CYFIP2: variants seen among roughly 807,000 people sequenced by gnomAD.
CYFIP2 encodes the protein cytoplasmic FMR1 interacting protein 2.
A neutral mutation model predicts 158.7 loss-of-function variants in CYFIP2; 29 were observed. That is an observed-to-expected ratio of 0.18 (90% confidence interval 0.14 to 0.25). The LOEUF (loss-of-function observed/expected upper bound fraction) is 0.25. CYFIP2 is among the 10% of genes least tolerant of loss of function. CYFIP2 has a pLI of 1.00. For synonymous variants in CYFIP2, 585 were observed against 617.6 expected, an observed-to-expected ratio of 0.95 and a Z score of 0.78; for missense variants, 852 against 1,639.5, an observed-to-expected ratio of 0.52 and a Z score of 8.29.
chr5:157,319,019 C>T (rs970006351), intron 13 of CYFIP2, among the ~76,000 whole-genome samples: 6 of 152,192 alleles, frequency 3.9e-5, no homozygotes, highest in Non-Finnish European at 7.3e-5. Flanking sequence ...CATAGATACA[C>T]GCCTCCCTTC....
intron 28 of CYFIP2, among the ~76,000 whole-genome samples, chr5:157,386,828 G>C (rs968798278): frequency 1.3e-5 from 2 of 151,912 alleles, no homozygotes; most frequent in Non-Finnish European, 2.9e-5. Flanking sequence ...GCTGAGGCAG[G>C]AGAATGGCTC....
At chr5:157,315,782 T>C (rs1482204899) in intron 13 of CYFIP2, among the ~76,000 whole-genome samples, 13 of 152,212 alleles carry the variant, frequency 8.5e-5, no homozygotes, top group Admixed American at 8.5e-4. Context: ...GCTATATCAT[T>C]GCATGCTATG....
At chr5:157,282,220 C>A (rs1330615519) in intron 1 of CYFIP2, among the ~76,000 whole-genome samples, 3 of 152,184 alleles carry the variant, frequency 2.0e-5, no homozygotes, top group Non-Finnish European at 4.4e-5. Flanking sequence ...GGGGAGGCCA[C>A]AGAAAGCTTT....
intron 16 of CYFIP2, 106 bp from the exon 17 acceptor site, chr5:157,325,376 A>G: frequency 1.6e-6 from 2 of 1,270,620 alleles, no homozygotes; most frequent in Non-Finnish European, 2.1e-6. Context: ...AGTACCTGCT[A>G]CATACCTAAC....
At chr5:157,301,099 A>G (rs1369522346) in intron 6 of CYFIP2, among the ~76,000 whole-genome samples, 1 of 152,152 alleles carries the variant, frequency 6.6e-6, no homozygotes, top group East Asian at 1.9e-4. Context: ...GAAGAACTTG[A>G]TCTTTGTAGA....
At chr5:157,315,297 A>G (rs1368608278) in intron 13 of CYFIP2, among the ~76,000 whole-genome samples, 1 of 151,266 alleles carries the variant, frequency 6.6e-6, no homozygotes, top group Admixed American at 6.6e-5. Context: ...AATCCAAAGA[A>G]AAACATCCAT....
chr5:157,271,638 T>G (rs1379896710), intron 1 of CYFIP2: 1 of 152,178 alleles, frequency 6.6e-6, no homozygotes, highest in Non-Finnish European at 1.5e-5. Flanking sequence ...ACAAGGCAGG[T>G]TTGGACATCA....
intron 3 of CYFIP2, among the ~76,000 whole-genome samples, chr5:157,288,971 A>G (rs1356119937): frequency 6.6e-6 from 1 of 152,232 alleles, no homozygotes; most frequent in Non-Finnish European, 1.5e-5. Context: ...TAGATACAGT[A>G]TACTTTAAAA....
At position 157,386,838 on chromosome 5, in the gene CYFIP2, C is replaced by A. The variant is rs377458264; in HGVS notation, c.3208-2351C>A. ...AGGAGGCTGAGGCAGGAGAATGGCT[C>A]GAACCCGGGAGGTGGAGGTTGCAGT... On this transcript the variant is annotated intron_variant, in intron 28 of 30. Coordinates refer to ENST00000620254, the MANE Select transcript of CYFIP2 (RefSeq NM_001037333.3). Among the ~76,000 whole-genome samples, 11 of 151,436 alleles carry A rather than the reference C, an allele frequency of 7.3e-5. 1 individual carries two copies. Among genetic ancestry groups the A allele is most frequent in the Admixed American group, 6.6e-4 (10 of 15,216 alleles).
intron 1 of CYFIP2, among the ~76,000 whole-genome samples, chr5:157,272,348 G>C (rs1197253627): frequency 1.3e-5 from 2 of 152,216 alleles, no homozygotes; most frequent in Non-Finnish European, 2.9e-5. Context: ...TCAGTGCTGG[G>C]TACCGGCCAG....
intron 4 of CYFIP2, among the ~76,000 whole-genome samples, chr5:157,295,694 A>C (rs1338705189): frequency 1.3e-5 from 2 of 152,172 alleles, no homozygotes; most frequent in East Asian, 3.8e-4. Context: ...AACAGCTCAC[A>C]GTGATATTAT....
At chr5:157,344,398 C>T (rs1762527969) in intron 23 of CYFIP2, among the ~76,000 whole-genome samples, 1 of 152,154 alleles carries the variant, frequency 6.6e-6, no homozygotes, top group Admixed American at 6.6e-5. Flanking sequence ...CCTGATGTCA[C>T]ACCGCTAATA....
intron 8 of CYFIP2, among the ~76,000 whole-genome samples, chr5:157,306,797 G>A (rs949691508): frequency 5.9e-5 from 9 of 151,730 alleles, no homozygotes; most frequent in African/African-American, 1.2e-4. Flanking sequence ...TGAGAGAATC[G>A]CTTGAGCCCA....
rs1201497625 is a variant in CYFIP2, at chr5:157,294,804, C to T, written c.229C>T (p.His77Tyr). ...TCAGAATGAGATGCTGGAGGAAGGA[C>T]ATGAGTATGCGGTCATGCTGTACAC... ...SSMNEMLEEG[H>Y]EYAVMLYTWR... Residue 77 changes from histidine (H) to tyrosine (Y), a missense_variant, in exon 4 of 31, where the codon CAT becomes TAT. By Grantham distance (83) the His-to-Tyr change is moderately conservative (BLOSUM62 2). Coordinates refer to ENST00000620254, the MANE Select transcript of CYFIP2 (RefSeq NM_001037333.3). 1 of 1,613,800 alleles carries T rather than the reference C, an allele frequency of 6.2e-7. No individual in the cohort carries two copies. The highest frequency in any genetic ancestry group is 8.5e-7 in the Non-Finnish European group (1 of 1,179,766).
chr5:157,367,829 A>G (rs1180784714), intron 26 of CYFIP2, among the ~76,000 whole-genome samples: 3 of 142,438 alleles, frequency 2.1e-5, no homozygotes, highest in Non-Finnish European at 3.0e-5. Context: ...ATCTCGGCTC[A>G]CTGTAACCTC....
At position 157,393,207 on chromosome 5, in the gene CYFIP2, G is replaced by GAAAAAAAAA. The variant is rs3052310; in HGVS notation, c.*216_*224dup. 1 of 270,236 alleles carries GAAAAAAAAA rather than the reference G, an allele frequency of 3.7e-6. No individual in the cohort carries two copies. The allele number at this position is 270,236 out of a possible 1,614,324, so 16.7% of individuals were successfully genotyped here. A position where few individuals can be genotyped will look rare whatever the true frequency, so the allele number is the denominator to read the frequency against. On this transcript the variant is annotated 3_prime_UTR_variant, in exon 31 of 31. Transcript: ENST00000620254. Reference sequence around the variant, plus strand: ...ATGCTGGTTTCTCCATAGCATAAATGAAAAAAAAAAAAAAAAAGTAAACAG... The same window carrying GAAAAAAAAA: ...ATGCTGGTTTCTCCATAGCATAAATGAAAAAAAAAAAAAAAAAAAAAAAAAAGTAAACAG...
chr5:157,392,225 C>T (rs887392395), intron 30 of CYFIP2, among the ~76,000 whole-genome samples: 1 of 152,144 alleles, frequency 6.6e-6, no homozygotes, highest in Non-Finnish European at 1.5e-5. Context: ...CCCTTTGATG[C>T]ATGAAAGTTT....
At chr5:157,322,415 G>A (rs2113118549) in intron 15 of CYFIP2, among the ~76,000 whole-genome samples, 1 of 152,286 alleles carries the variant, frequency 6.6e-6, no homozygotes, top group Non-Finnish European at 1.5e-5. Flanking sequence ...AAAAGTACGT[G>A]GGAAAAAAGT....
intron 19 of CYFIP2, among the ~76,000 whole-genome samples, chr5:157,329,083 G>A (rs1761245960): frequency 6.6e-6 from 1 of 152,204 alleles, no homozygotes; most frequent in South Asian, 2.1e-4. Context: ...AGCCAAAGTA[G>A]CCCTGATATA....
Sources: allele counts gnomAD v4.1 joint callset (sites outside exome capture counted in the v4.1 genomes callset), GRCh38; gene constraint gnomAD v4.1.1; transcripts MANE v1.5; gene names NCBI Gene and HGNC (gene_info 2026-07-23, HGNC 2026-07-21).